SCPEP1: variants seen among roughly 807,000 people sequenced by gnomAD.
The protein encoded by SCPEP1 is retinoid-inducible serine carboxypeptidase.
Under a neutral mutation model 63.8 loss-of-function variants are expected in SCPEP1, and 51 were observed. That is an observed-to-expected ratio of 0.80 (90% CI 0.64 to 1.01). The LOEUF is 1.01. Ranked by LOEUF, SCPEP1 falls within the 50% of genes least tolerant of loss-of-function variation. The pLI, the probability that SCPEP1 is intolerant of heterozygous loss-of-function variation, is 0.00. For missense variants in SCPEP1, 499 were observed against 554.9 expected (o/e 0.90, Z 1.01); for synonymous variants, 204 against 207.8 (o/e 0.98, Z 0.16).
At chr17:56,997,192 G>T (rs1368033124) in intron 9 of SCPEP1, 137 bp downstream of exon 9, 22 of 547,738 alleles carry the variant, frequency 4.0e-5, no homozygotes, top group Non-Finnish European at 6.7e-5. Context: ...GTGGTTTTCA[G>T]TATATTCCCA....
chr17:56,995,645 G>A lies in SCPEP1; in HGVS notation c.786+10G>A. 1 of 1,613,114 alleles carries A rather than the reference G, an allele frequency of 6.2e-7. No homozygotes were observed. The highest frequency in any genetic ancestry group is 8.5e-7 in the Non-Finnish European group (1 of 1,179,596). On this transcript the variant is annotated intron_variant, in intron 8 of 12. Coordinates refer to ENST00000262288, the MANE Select transcript of SCPEP1 (RefSeq NM_021626.3). ...AATGATCATTGAACAGGTAAAAAGG[G>A]GAAACACTCAGAGGCGAGCCTGCTT...
chr17:56,981,149 T>G lies in SCPEP1; in HGVS notation c.144T>G (p.Asp48Glu). Residue 48 changes from aspartate to glutamate, a missense_variant, in exon 2 of 13, where the codon GAT becomes GAG. Coordinates refer to ENST00000262288, the MANE Select transcript of SCPEP1 (RefSeq NM_021626.3). ...EVWDYVTVRK[D>E]AYMFWWLYYA... ...GGGATTATGTGACGGTCCGCAAGGA[T>G]GCCTACATGTTCTGGTGGCTCTATT... 1 of 1,614,168 alleles carries G rather than the reference T, an allele frequency of 6.2e-7. No homozygotes were observed. Among genetic ancestry groups the G allele is most frequent in the Non-Finnish European group, 8.5e-7 (1 of 1,180,022 alleles).
Position 56,995,472 on chromosome 17 carries a change from A to G in SCPEP1, c.658-35A>G, listed in dbSNP as rs776747547. 19 of 1,602,710 alleles carry G rather than the reference A, an allele frequency of 1.2e-5. No individual in the cohort carries two copies. In the South Asian group the frequency reaches 2.0e-4, roughly 17 times the overall value. ...CAATACCAGATTGACGTTCCCAAGT[A>G]AAGTGGGTCTTTTTGCTCTTGGTTT... On this transcript the variant is annotated intron_variant, in intron 7 of 12. Coordinates refer to ENST00000262288, the MANE Select transcript of SCPEP1 (RefSeq NM_021626.3).
intron 3 of SCPEP1, 73 bp from the exon 4 acceptor site, chr17:56,987,622 T>C: frequency 6.7e-7 from 1 of 1,501,308 alleles, no homozygotes; most frequent in South Asian, 1.2e-5. Context: ...GCTGAGCTAG[T>C]AGAAAATGAT....
chr17:56,981,145 AG>A lies in SCPEP1; in HGVS notation c.142del (p.Asp48MetfsTer78). The A allele has an allele frequency of 6.2e-7, 1 of 1,614,204 alleles. No homozygotes were observed. The highest frequency in any genetic ancestry group is 1.1e-5 in the South Asian group (1 of 91,086). On this transcript the variant is annotated frameshift_variant, in exon 2 of 13. Coordinates refer to ENST00000262288, the MANE Select transcript of SCPEP1 (RefSeq NM_021626.3). LOFTEE classifies it high-confidence loss of function. ...GTATGGGATTATGTGACGGTCCGCA[AG>A]GATGCCTACATGTTCTGGTGGCTCT... The part of the protein sequence containing the change: ...KEVWDYVTVR[K>X]DAYMFWWLYY...
At chr17:56,994,142 G>A (rs1420335664) in intron 6 of SCPEP1, among the ~76,000 whole-genome samples, 1 of 152,182 alleles carries the variant, frequency 6.6e-6, no homozygotes, top group Non-Finnish European at 1.5e-5. Context: ...TTCGAGACCA[G>A]ACTGGGCAAC....
intron 8 of SCPEP1, among the ~76,000 whole-genome samples, chr17:56,996,044 T>C (rs779625641): frequency 9.2e-5 from 14 of 152,102 alleles, no homozygotes; most frequent in Admixed American, 2.0e-4. Flanking sequence ...CTGTTCTCCC[T>C]GTAAATTAAC....
intron 2 of SCPEP1, 89 bp downstream of exon 2, chr17:56,981,319 G>A: frequency 2.1e-6 from 3 of 1,457,806 alleles, no homozygotes; most frequent in Non-Finnish European, 2.8e-6. Flanking sequence ...TGTCTCAGCA[G>A]TGAAGGGCGG....
intron 2 of SCPEP1, among the ~76,000 whole-genome samples, chr17:56,981,537 G>A (rs186901406): frequency 1.1e-3 from 166 of 152,190 alleles, no homozygotes; most frequent in Non-Finnish European, 1.9e-3. Context: ...TTTTGAGGCC[G>A]GGCACAGTGG....
Position 56,978,149 on chromosome 17 carries a change from CGGTACTTGTCAT to C in SCPEP1, c.-8_4del. 1 of 1,289,990 alleles carries C rather than the reference CGGTACTTGTCAT, an allele frequency of 7.8e-7. No individual in the cohort carries two copies. Among genetic ancestry groups the C allele is most frequent in the Non-Finnish European group, 1.1e-6 (1 of 914,380 alleles). The allele number at this position is 1,289,990 out of a possible 1,614,324, so 79.9% of individuals were successfully genotyped here. On this transcript the variant is annotated start_lost and 5_prime_UTR_variant, in exon 1 of 13. Coordinates refer to ENST00000262288, the MANE Select transcript of SCPEP1 (RefSeq NM_021626.3). ...CCAGCCTGTTGCTGATGCTGCCGTG[CGGTACTTGTCAT>C]GGAGCTGGCACTGCGGCGCTCTCCC...
At chr17:56,979,078 T>C (rs373991967) in intron 1 of SCPEP1, among the ~76,000 whole-genome samples, 543 of 152,362 alleles carry the variant, frequency 3.6e-3, no homozygotes, top group Non-Finnish European at 6.7e-3. Context: ...TACTTGTATA[T>C]AGAACCTTAT....
At chr17:56,981,986 G>A (rs1000573656) in intron 2 of SCPEP1, among the ~76,000 whole-genome samples, 8 of 152,200 alleles carry the variant, frequency 5.3e-5, no homozygotes, top group African/African-American at 1.9e-4. Context: ...GCACCTTCGT[G>A]TGACTGTTGC....
chr17:56,993,987 CAGCT>C (rs1356547574), intron 6 of SCPEP1, among the ~76,000 whole-genome samples: 1 of 152,212 alleles, frequency 6.6e-6, no homozygotes, highest in African/African-American at 2.4e-5. Context: ...AGGTGATTAA[CAGCT>C]AGGCCACGGA....
At chr17:57,000,763 C>G in intron 10 of SCPEP1, 92 bp from the exon 11 acceptor site, 1 of 1,442,484 alleles carries the variant, frequency 6.9e-7, no homozygotes, top group South Asian at 1.2e-5. Context: ...AGTCGTTGTT[C>G]GGTGCTGGAG....
At chr17:56,995,238 A>C (rs1911510729) in intron 7 of SCPEP1, 3 of 569,214 alleles carry the variant, frequency 5.3e-6, no homozygotes, top group Admixed American at 3.3e-5. Flanking sequence ...AGATATAAGA[A>C]ACACATTTTT....
At chr17:56,994,388 G>C (rs1481554764) in intron 6 of SCPEP1, among the ~76,000 whole-genome samples, 2 of 152,170 alleles carry the variant, frequency 1.3e-5, no homozygotes, top group African/African-American at 4.8e-5. Context: ...TCTCTTTGAG[G>C]ACAGGCATTA....
At chr17:56,985,772 C>T (rs532259348) in intron 3 of SCPEP1, among the ~76,000 whole-genome samples, 128 of 152,216 alleles carry the variant, frequency 8.4e-4, no homozygotes, top group African/African-American at 3.0e-3. Context: ...TGGCCATCTC[C>T]GCGGCCTCAG....
At position 56,998,384 on chromosome 17, in the gene SCPEP1, G is replaced by C; in HGVS notation, c.881-1G>C. On this transcript the variant is annotated splice_acceptor_variant, in intron 9 of 12. Transcript: ENST00000262288. LOFTEE classifies it high-confidence loss of function. ...CTCACTATCTACCAGTTTGGTTTTA[G>C]TTTGTCTTTGTCAGCGCCACGTGAG... 1.9e-6 allele frequency: 3 copies of C among 1,610,634 alleles called. No individual in the cohort carries two copies. The highest frequency in any genetic ancestry group is 8.5e-7 in the Non-Finnish European group (1 of 1,177,712).
chr17:57,001,444 C>G (rs1225195725), intron 11 of SCPEP1, among the ~76,000 whole-genome samples: 1 of 152,190 alleles, frequency 6.6e-6, no homozygotes. Flanking sequence ...GCCCTATCAC[C>G]TACCACCTGT....
Sources: allele counts gnomAD v4.1 joint callset (sites outside exome capture counted in the v4.1 genomes callset), GRCh38; gene constraint gnomAD v4.1.1; transcripts MANE v1.5; gene names NCBI Gene and HGNC (gene_info 2026-07-23, HGNC 2026-07-21).